Variants in STPG2 observed in about 807,000 individuals in gnomAD.
The protein encoded by STPG2 is sperm-tail PG-rich repeat-containing protein 2.
STPG2 carries 56 observed loss-of-function variants against 54.2 expected under a neutral mutation model. The observed-to-expected ratio is 1.03, with a 90% CI of 0.83 to 1.29. STPG2 has a LOEUF of 1.29. Ranked by LOEUF, STPG2 falls within the 50% of genes most tolerant of loss-of-function variation. STPG2 has a pLI of 0.00. For synonymous variants in STPG2, 200 were observed against 181.8 expected, an observed-to-expected ratio of 1.10 and a Z score of -0.81; for missense variants, 596 against 544.9, an observed-to-expected ratio of 1.09 and a Z score of -0.93.
chr4:97,847,938 G>A (rs1729007993), intron 8 of STPG2, among the ~76,000 whole-genome samples: 1 of 152,136 alleles, frequency 6.6e-6, no homozygotes, highest in African/African-American at 2.4e-5. Flanking sequence ...CCTGGCATGA[G>A]CTCCAAAATA....
At position 97,972,284 on chromosome 4, in the gene STPG2, T is replaced by C; in HGVS notation, c.929A>G (p.Tyr310Cys). The change falls in exon 7 of 11, where the codon TAT becomes TGT. Residue 310 changes from tyrosine (Y) to cysteine (C), a missense_variant. Tyr to Cys is a radical substitution (Grantham distance 194). Coordinates refer to ENST00000295268, the MANE Select transcript of STPG2 (RefSeq NM_174952.3). ...ATTTTTGTATGAATGTATTACCTGA[T>C]AATCAGCAGGTCCAGGGGTAGCACA... Reference protein sequence around the residue: ...EACATPGPADYQEFWHSQGVG... With the variant: ...EACATPGPADCQEFWHSQGVG... 1.9e-6 allele frequency: 3 copies of C among 1,578,076 alleles called. No individual in the cohort carries two copies. The highest frequency in any genetic ancestry group is 1.2e-5 in the South Asian group (1 of 85,212).
intron 5 of STPG2, among the ~76,000 whole-genome samples, chr4:98,055,386 T>C (rs544684514): frequency 1.3e-5 from 2 of 151,382 alleles, no homozygotes; most frequent in East Asian, 3.9e-4. Context: ...GTGCTGAAAG[T>C]GTATGGAGGA....
chr4:97,474,348 T>C (rs1730019596), intron 4 of STPG2, among the ~76,000 whole-genome samples: 1 of 152,024 alleles, frequency 6.6e-6, no homozygotes, highest in African/African-American at 2.4e-5. Context: ...TGGTCAAGGC[T>C]GAAATGAGAA....
intron 10 of STPG2, among the ~76,000 whole-genome samples, chr4:97,705,712 T>C (rs1723920122): frequency 1.3e-5 from 2 of 152,130 alleles, no homozygotes; most frequent in Admixed American, 1.3e-4. Flanking sequence ...CTTTCACCTA[T>C]TAACAAATAA....
chr4:97,650,045 C>T (rs1197730243), intron 10 of STPG2, among the ~76,000 whole-genome samples: 6 of 152,186 alleles, frequency 3.9e-5, no homozygotes, highest in East Asian at 1.9e-4. Context: ...ATAAGGAGCA[C>T]GCAACCCAGA....
intron 9 of STPG2, among the ~76,000 whole-genome samples, chr4:97,761,942 G>A (rs1055519744): frequency 6.6e-6 from 1 of 151,902 alleles, no homozygotes; most frequent in Non-Finnish European, 1.5e-5. Flanking sequence ...TTCAGTTTAG[G>A]CAAACATGGG....
At position 97,637,696 on chromosome 4, in the gene STPG2, A is replaced by G. The variant is rs372349855; in HGVS notation, c.1320+75003T>C. Among the ~76,000 whole-genome samples, 298 of 152,296 alleles carry G rather than the reference A, an allele frequency of 2.0e-3. 4 individuals carry two copies. The East Asian group carries it at 0.028, about 14-fold the overall frequency. On this transcript the variant is annotated intron_variant, in intron 10 of 10. Transcript: ENST00000295268. ...AAATCACAAGCATTCCTATACACCA[A>G]CAACAAACAAACAGAGAGCCAAATC...
intron 9 of STPG2, among the ~76,000 whole-genome samples, chr4:97,752,454 T>A (rs1725606787): frequency 6.6e-6 from 1 of 151,770 alleles, no homozygotes; most frequent in Non-Finnish European, 1.5e-5. Flanking sequence ...ATTTAATATT[T>A]TATTACTTCA....
chr4:97,561,200 A>G lies in STPG2; in HGVS notation c.1321-2083T>C, dbSNP rs555897562. 1.4e-3 allele frequency among the ~76,000 whole-genome samples: 215 copies of G among 152,220 alleles called. 1 individual carries two copies. Among genetic ancestry groups the G allele is most frequent in the African/African-American group, 5.1e-3 (210 of 41,536 alleles). On this transcript the variant is annotated intron_variant, in intron 10 of 10. Coordinates refer to ENST00000295268, the MANE Select transcript of STPG2 (RefSeq NM_174952.3). The stretch of plus-strand genomic sequence containing the variant: ...TTTGATTTGCATTTCTCTGATGGCC[A>G]GTGATGGTGAGCATTTTTTCATGTG...
intron 5 of STPG2, among the ~76,000 whole-genome samples, chr4:98,012,315 G>T (rs937845040): frequency 9.9e-5 from 15 of 152,284 alleles, no homozygotes; most frequent in Middle Eastern, 3.4e-3. Context: ...CTATATGTCT[G>T]TTTTGGTACC....
chr4:97,856,253 T>C (rs905056379), intron 8 of STPG2, among the ~76,000 whole-genome samples: 2 of 152,216 alleles, frequency 1.3e-5, no homozygotes, highest in African/African-American at 4.8e-5. Flanking sequence ...TAAATTACTT[T>C]GGGCAGAATG....
chr4:98,022,008 C>T (rs934329680), intron 5 of STPG2, among the ~76,000 whole-genome samples: 3 of 151,282 alleles, frequency 2.0e-5, no homozygotes, highest in South Asian at 2.1e-4. Context: ...GAGCATATAG[C>T]CCATTTACAT....
intron 5 of STPG2, among the ~76,000 whole-genome samples, chr4:97,992,845 T>G (rs1735064645): frequency 6.6e-6 from 1 of 152,114 alleles, no homozygotes; most frequent in Non-Finnish European, 1.5e-5. Context: ...TTTTTTAAGC[T>G]ATTGTAAAAG....
At chr4:97,813,975 A>C (rs911636821) in intron 9 of STPG2, among the ~76,000 whole-genome samples, 4 of 152,048 alleles carry the variant, frequency 2.6e-5, no homozygotes, top group African/African-American at 9.7e-5. Flanking sequence ...TTATTCCAGC[A>C]TATCAAGTTG....
At chr4:97,971,513 C>A (rs1474456254) in intron 7 of STPG2, among the ~76,000 whole-genome samples, 1 of 151,846 alleles carries the variant, frequency 6.6e-6, no homozygotes, top group African/African-American at 2.4e-5. Context: ...GGATATGAAG[C>A]TGAAAACCAT....
intron 8 of STPG2, among the ~76,000 whole-genome samples, chr4:97,927,394 A>C (rs957421904): frequency 1.3e-5 from 2 of 152,098 alleles, no homozygotes; most frequent in African/African-American, 4.8e-5. Context: ...TGACCTAAGA[A>C]AGTATATCAA....
At chr4:97,567,634 T>C (rs1452991831) in intron 10 of STPG2, among the ~76,000 whole-genome samples, 1 of 152,026 alleles carries the variant, frequency 6.6e-6, no homozygotes, top group African/African-American at 2.4e-5. Flanking sequence ...ATGCTGGATT[T>C]ACACATTGAA....
chr4:97,565,613 T>G (rs1051286628), intron 10 of STPG2, among the ~76,000 whole-genome samples: 1 of 152,192 alleles, frequency 6.6e-6, no homozygotes, highest in Non-Finnish European at 1.5e-5. Context: ...GGGTTTTTGG[T>G]GTGGATATCC....
intron 10 of STPG2, among the ~76,000 whole-genome samples, chr4:97,711,157 A>T (rs539704516): frequency 1.0e-3 from 154 of 152,252 alleles, no homozygotes; most frequent in Non-Finnish European, 1.6e-3. Flanking sequence ...GACATTTATT[A>T]TTTGTGGATA....
Sources: allele counts gnomAD v4.1 joint callset (sites outside exome capture counted in the v4.1 genomes callset), GRCh38; gene constraint gnomAD v4.1.1; transcripts MANE v1.5; gene names NCBI Gene and HGNC (gene_info 2026-07-23, HGNC 2026-07-21).